The following RAB42 variants were observed in gnomAD, a reference collection of about 807,000 sequenced individuals.
RAB42 encodes ras-related protein Rab-42.
In RAB42, 4 loss-of-function variants were observed where a neutral mutation model predicts 7.5. That is an observed-to-expected ratio of 0.53 (90% confidence interval 0.26 to 1.22). The LOEUF (loss-of-function observed/expected upper bound fraction) is 1.22. Ranked by LOEUF, RAB42 falls within the 50% of genes most tolerant of loss-of-function variation. RAB42 has a pLI of 0.13. For missense variants in RAB42, 208 were observed against 281.2 expected (o/e 0.74, Z 1.86); for synonymous variants, 82 against 129.0 (o/e 0.64, Z 2.47).
At position 28,595,276 on chromosome 1, in the gene RAB42, T is replaced by A. The variant is rs1200575626; in HGVS notation, c.*1159T>A. 6.0e-6 allele frequency: 1 copy of A among 167,140 alleles called. No homozygotes were observed. Among genetic ancestry groups the A allele is most frequent in the Non-Finnish European group, 1.5e-5 (1 of 68,168 alleles). The allele number at this position is 167,140 out of a possible 1,614,324, so 10.4% of individuals were successfully genotyped here. On this transcript the variant is annotated 3_prime_UTR_variant, in exon 2 of 2. Transcript: ENST00000465518. ...AAAGGACTCCCTCTTGCCCCAGCTC[T>A]GGACAACTCTGAAAGTCAAAACCAA...
chr1:28,594,176 G>C lies in RAB42; in HGVS notation c.*59G>C. 6.9e-7 allele frequency: 1 copy of C among 1,439,426 alleles called. No homozygotes were observed. The allele number at this position is 1,439,426 out of a possible 1,614,324, so 89.2% of individuals were successfully genotyped here. A position where few individuals can be genotyped will look rare whatever the true frequency, so the allele number is the denominator to read the frequency against. ...CTTAGCCCACCTGGTGGGATGGGGA[G>C]TGTTAATATCTCTCTGGAGGACAAA... On this transcript the variant is annotated 3_prime_UTR_variant, in exon 2 of 2. Transcript: ENST00000465518.
At position 28,593,934 on chromosome 1, in the gene RAB42, C is replaced by G. The variant is rs148146932; in HGVS notation, c.474C>G (p.Thr158=). The G allele has an allele frequency of 3.7e-3, 6,007 of 1,613,826 alleles. 29 individuals carry two copies. The highest frequency in any genetic ancestry group is 5.1e-3 in the South Asian group (461 of 91,052). ...CCCTGGGCATGGCCTTCGTGGAGAC[C>G]TCGGTTAAAAACAACTGCAATGTGG... ...AASLGMAFVE[T]SVKNNCNVDL... is the part of the protein sequence containing the mutation. The change falls in exon 2 of 2, where the codon ACC becomes ACG. Residue 158 remains threonine, a synonymous_variant. Coordinates refer to ENST00000465518, the MANE Select transcript of RAB42 (RefSeq NM_001193532.3).
Position 28,594,021 on chromosome 1 carries a change from G to A in RAB42, c.561G>A (p.Lys187=). 6.2e-7 allele frequency: 1 copy of A among 1,613,960 alleles called. No homozygotes were observed. The highest frequency in any genetic ancestry group is 8.5e-7 in the Non-Finnish European group (1 of 1,179,872). ...AGGCCCTGCAGCAGGGGGACATCAAGCTAGAAGAGGGCTGGGGGGGTGTCC... is the reference window on the plus strand; with the variant it reads ...AGGCCCTGCAGCAGGGGGACATCAAACTAGAAGAGGGCTGGGGGGGTGTCC... ...IQQALQQGDI[K]LEEGWGGVRL... is the part of the protein sequence containing the mutation. Residue 187 remains lysine (K), a synonymous_variant, in exon 2 of 2, where the codon AAG becomes AAA. Transcript: ENST00000465518.
Position 28,592,488 on chromosome 1 carries a change from G to A in RAB42, c.-24G>A. On this transcript the variant is annotated 5_prime_UTR_variant, in exon 1 of 2. Transcript: ENST00000465518. This position sits in a 1 kb window ranked among gnomAD's most constrained non-coding sequence, Gnocchi z 4.1. Reference sequence around the variant, plus strand: ...CGGGGCGCGGACAAAACCGCCGCGGGGCGGCGGGGTGGCGGACGCGGCCAT... The same window carrying A: ...CGGGGCGCGGACAAAACCGCCGCGGAGCGGCGGGGTGGCGGACGCGGCCAT... The A allele has an allele frequency of 8.6e-7, 1 of 1,167,432 alleles. No homozygotes were observed. Among genetic ancestry groups the A allele is most frequent in the Non-Finnish European group, 1.1e-6 (1 of 939,852 alleles). 72.3% of individuals were successfully genotyped at this position (1,167,432 alleles called of 1,614,324 possible).
rs1666333909 is a variant in RAB42, at chr1:28,592,470, C to G, written c.-42C>G. On this transcript the variant is annotated 5_prime_UTR_variant, in exon 1 of 2. Coordinates refer to ENST00000465518, the MANE Select transcript of RAB42 (RefSeq NM_001193532.3). The surrounding 1 kb of genome is among the most constrained non-coding windows in gnomAD (Gnocchi z 4.1). ...CCCGGGCAGGGGCGGGGTCGGGGCG[C>G]GGACAAAACCGCCGCGGGGCGGCGG... The G allele has an allele frequency of 9.2e-7, 1 of 1,083,166 alleles. No homozygotes were observed. The highest frequency in any genetic ancestry group is 4.5e-5 in the South Asian group (1 of 22,126). The allele number at this position is 1,083,166 out of a possible 1,614,324, so 67.1% of individuals were successfully genotyped here.
At chr1:28,596,160 G>A (rs186102566), downstream of RAB42, among the ~76,000 whole-genome samples, 89 of 151,626 alleles carry the variant, frequency 5.9e-4, no homozygotes, top group Non-Finnish European at 1.0e-3. Context: ...AAATTCACCT[G>A]TTTTATTTTG....
Position 28,594,968 on chromosome 1 carries a change from G to A in RAB42, c.*851G>A, listed in dbSNP as rs115638881. ...TCTGGGCATGGGATTAATATGTGAC[G>A]TCAAACCCAGGGTTGCTGGCCAATG... On this transcript the variant is annotated 3_prime_UTR_variant, in exon 2 of 2. Coordinates refer to ENST00000465518, the MANE Select transcript of RAB42 (RefSeq NM_001193532.3). 0.023 allele frequency: 3,835 copies of A among 167,236 alleles called. 60 individuals are homozygous for A. Among genetic ancestry groups the A allele is most frequent in the South Asian group, 0.041 (196 of 4,828 alleles). The allele number at this position is 167,236 out of a possible 1,614,324, so 10.4% of individuals were successfully genotyped here.
At position 28,594,317 on chromosome 1, in the gene RAB42, G is replaced by A. The variant is rs1666392175; in HGVS notation, c.*200G>A. ...TGGCCAGGCATGGTGGCTCACGCCTGTAATCCTAGCATTTTTGGAGGCCAA... is the reference window on the plus strand; with the variant it reads ...TGGCCAGGCATGGTGGCTCACGCCTATAATCCTAGCATTTTTGGAGGCCAA... On this transcript the variant is annotated 3_prime_UTR_variant, in exon 2 of 2. Transcript: ENST00000465518. 1.2e-5 allele frequency: 7 copies of A among 592,212 alleles called. No individual in the cohort carries two copies. Among genetic ancestry groups the A allele is most frequent in the African/African-American group, 3.7e-5 (2 of 53,392 alleles). The allele number at this position is 592,212 out of a possible 1,614,324, so 36.7% of individuals were successfully genotyped here. A position where few individuals can be genotyped will look rare whatever the true frequency, so the allele number is the denominator to read the frequency against.
chr1:28,596,330 C>G (rs1666432778), downstream of RAB42, among the ~76,000 whole-genome samples: 1 of 152,036 alleles, frequency 6.6e-6, no homozygotes, highest in Admixed American at 6.6e-5. Context: ...TTCTATTTAA[C>G]TGCATTTTTG....
intron 1 of RAB42, among the ~76,000 whole-genome samples, chr1:28,593,360 C>G (rs12069148): frequency 6.6e-6 from 1 of 152,034 alleles, no homozygotes; most frequent in Non-Finnish European, 1.5e-5. Context: ...CCCGCCACCA[C>G]GCCCGGCTAA....
downstream of RAB42, among the ~76,000 whole-genome samples, chr1:28,596,563 A>G (rs2124274365): frequency 6.6e-6 from 1 of 152,376 alleles, no homozygotes; most frequent in South Asian, 2.1e-4. Flanking sequence ...CAGAGGCTGC[A>G]GCGAGCTGAC....
rs1236925028 is a variant in RAB42, at chr1:28,593,660, C to G, written c.234-34C>G. 9 of 1,506,504 alleles carry G rather than the reference C, an allele frequency of 6.0e-6. No individual in the cohort carries two copies. The Admixed American group carries it at 6.2e-5, about 10-fold the overall frequency. The allele number at this position is 1,506,504 out of a possible 1,614,324, so 93.3% of individuals were successfully genotyped here. On this transcript the variant is annotated intron_variant, in intron 1 of 1. Transcript: ENST00000465518. ...GGGTGTCATGGAGGCATCAGCCTCT[C>G]CCAGCTTACCTTTCCACCTCCCTGC...
At chr1:28,596,335 T>G (rs1666432869), downstream of RAB42, among the ~76,000 whole-genome samples, 1 of 152,024 alleles carries the variant, frequency 6.6e-6, no homozygotes, top group Non-Finnish European at 1.5e-5. Context: ...TTTAACTGCA[T>G]TTTTGGCTGG....
chr1:28,594,800 C>T lies in RAB42; in HGVS notation c.*683C>T, dbSNP rs1666404919. ...ATTCCCACTCCCTTTTTCTTGGCTG[C>T]GATGTGGCCACTCTGGCAGCATTCC... On this transcript the variant is annotated 3_prime_UTR_variant, in exon 2 of 2. Coordinates refer to ENST00000465518, the MANE Select transcript of RAB42 (RefSeq NM_001193532.3). 1.2e-5 allele frequency: 2 copies of T among 167,040 alleles called. No homozygotes were observed. The highest frequency in any genetic ancestry group is 2.1e-4 in the South Asian group (1 of 4,822). The allele number at this position is 167,040 out of a possible 1,614,324, so 10.3% of individuals were successfully genotyped here.
chr1:28,592,675 C>G lies in RAB42; in HGVS notation c.164C>G (p.Ala55Gly). Residue 55 changes from alanine to glycine, a missense_variant, in exon 1 of 2, where the codon GCG becomes GGG. Coordinates refer to ENST00000465518, the MANE Select transcript of RAB42 (RefSeq NM_001193532.3). The surrounding 1 kb of genome is among the most constrained non-coding windows in gnomAD (Gnocchi z 4.1). ...PTVGAECYRR[A>G]LQLRAGPRVK... ...GTGGGCGCCGAGTGCTACCGCCGCG[C>G]GCTGCAGCTGCGGGCCGGGCCGCGG... 8.1e-7 allele frequency: 1 copy of G among 1,229,014 alleles called. No homozygotes were observed. Among genetic ancestry groups the G allele is most frequent in the Non-Finnish European group, 1.0e-6 (1 of 986,228 alleles). The allele number at this position is 1,229,014 out of a possible 1,614,324, so 76.1% of individuals were successfully genotyped here.
Position 28,592,814 on chromosome 1 carries a change from A to C in RAB42, c.233+70A>C. The C allele has an allele frequency of 1.3e-6, 1 of 766,542 alleles. No homozygotes were observed. The highest frequency in any genetic ancestry group is 4.4e-5 in the Admixed American group (1 of 22,970). 47.5% of individuals were successfully genotyped at this position (766,542 alleles called of 1,614,324 possible). A position where few individuals can be genotyped will look rare whatever the true frequency, so the allele number is the denominator to read the frequency against. Reference sequence around the variant, plus strand: ...GGTGAGCGTGCTTTAGGCCACGGCAACTCCCGAGAGGCCAACTCAGAGGTC... The same window carrying C: ...GGTGAGCGTGCTTTAGGCCACGGCACCTCCCGAGAGGCCAACTCAGAGGTC... On this transcript the variant is annotated intron_variant, in intron 1 of 1. Coordinates refer to ENST00000465518, the MANE Select transcript of RAB42 (RefSeq NM_001193532.3). The surrounding 1 kb of genome is among the most constrained non-coding windows in gnomAD (Gnocchi z 4.1).
At chr1:28,596,068 C>T (rs1444667233), downstream of RAB42, among the ~76,000 whole-genome samples, 1 of 152,006 alleles carries the variant, frequency 6.6e-6, no homozygotes, top group Non-Finnish European at 1.5e-5. Context: ...GAATGAGTTT[C>T]TTAGCTTCCT....
chr1:28,596,554 A>G (rs1438814095), downstream of RAB42, among the ~76,000 whole-genome samples: 2 of 152,228 alleles, frequency 1.3e-5, no homozygotes. Flanking sequence ...CCTGGGAGGC[A>G]GAGGCTGCAG....
rs567601425 is a variant in RAB42, at chr1:28,592,620, C to T, written c.109C>T (p.Pro37Ser). The change falls in exon 1 of 2, where the codon CCG becomes TCG. Residue 37 changes from proline to serine, a missense_variant. Transcript: ENST00000465518. The surrounding 1 kb of genome is among the most constrained non-coding windows in gnomAD (Gnocchi z 4.1). Reference protein sequence around the residue: ...RSYVAGAPGAPEPEPEPEPTV... With the variant: ...RSYVAGAPGASEPEPEPEPTV... ...CTACGTGGCAGGCGCGCCTGGCGCC[C>T]CGGAGCCGGAGCCCGAGCCCGAGCC... 1.5e-4 allele frequency: 180 copies of T among 1,222,772 alleles called. 1 individual carries two copies. In the Admixed American group the frequency reaches 7.7e-3, roughly 52 times the overall value. 75.7% of individuals were successfully genotyped at this position (1,222,772 alleles called of 1,614,324 possible). A position where few individuals can be genotyped will look rare whatever the true frequency, so the allele number is the denominator to read the frequency against.
Sources: allele counts gnomAD v4.1 joint callset (sites outside exome capture counted in the v4.1 genomes callset), GRCh38; gene constraint gnomAD v4.1.1; non-coding constraint Gnocchi (gnomAD v3.1); transcripts MANE v1.5; gene names NCBI Gene and HGNC (gene_info 2026-07-23, HGNC 2026-07-21).